EPB41L4A: variants seen among roughly 807,000 people sequenced by gnomAD.
The protein encoded by EPB41L4A is erythrocyte membrane protein band 4.1 like 4A.
EPB41L4A carries 100 observed loss-of-function variants against 108.6 expected under a neutral mutation model. The observed-to-expected ratio is 0.92, with a 90% CI of 0.78 to 1.09. The LOEUF (loss-of-function observed/expected upper bound fraction) is 1.09, where lower values mean the gene tolerates loss of function less well. Among genes scored for constraint, EPB41L4A ranks in the 50% least tolerant of loss-of-function variants. The pLI is 0.00. For missense variants in EPB41L4A, 1,030 were observed against 842.7 expected (o/e 1.22, Z -2.75); for synonymous variants, 319 against 289.0 (o/e 1.10, Z -1.05).
chr5:112,207,172 G>A (rs192760839), intron 13 of EPB41L4A: 1 of 152,138 alleles, frequency 6.6e-6, no homozygotes, highest in African/African-American at 2.4e-5. Context: ...AAAGCAACTA[G>A]AACAAGCAAT....
chr5:112,414,750 A>T (rs1315128993), intron 1 of EPB41L4A, among the ~76,000 whole-genome samples: 1 of 152,204 alleles, frequency 6.6e-6, no homozygotes, highest in African/African-American at 2.4e-5. Flanking sequence ...ATTTTTAATA[A>T]TTTTTTTCAA....
rs570154607 is a variant in EPB41L4A, at chr5:112,164,784, A to G, written c.*206T>C. 6.7e-5 allele frequency: 27 copies of G among 402,926 alleles called. No homozygotes were observed. The South Asian group carries it at 1.1e-3, about 16-fold the overall frequency. 25.0% of individuals were successfully genotyped at this position (402,926 alleles called of 1,614,324 possible). A position where few individuals can be genotyped will look rare whatever the true frequency, so the allele number is the denominator to read the frequency against. ...AGTAAGTGGAGGCTGCGGTGAGCTGACACGGTGCCGCTGCACTCCAGCCTG... is the reference window on the plus strand; with the variant it reads ...AGTAAGTGGAGGCTGCGGTGAGCTGGCACGGTGCCGCTGCACTCCAGCCTG... On this transcript the variant is annotated 3_prime_UTR_variant, in exon 23 of 23. Transcript: ENST00000261486.
At chr5:112,298,784 T>C (rs1754175698) in intron 2 of EPB41L4A, among the ~76,000 whole-genome samples, 1 of 152,206 alleles carries the variant, frequency 6.6e-6, no homozygotes, top group Non-Finnish European at 1.5e-5. Flanking sequence ...CCTGGACTTT[T>C]TCTTGTTGGT....
intron 1 of EPB41L4A, among the ~76,000 whole-genome samples, chr5:112,395,845 C>A (rs1384968152): frequency 6.6e-6 from 1 of 152,100 alleles, no homozygotes; most frequent in African/African-American, 2.4e-5. Flanking sequence ...GGAACCAACC[C>A]AAATGTCCAT....
intron 1 of EPB41L4A, among the ~76,000 whole-genome samples, chr5:112,340,174 G>T (rs1022291566): frequency 6.6e-6 from 1 of 152,200 alleles, no homozygotes; most frequent in African/African-American, 2.4e-5. Context: ...GGGAGTGACG[G>T]AAGGAAAGGA....
At chr5:112,361,019 G>A (rs1758707355) in intron 1 of EPB41L4A, among the ~76,000 whole-genome samples, 2 of 152,218 alleles carry the variant, frequency 1.3e-5, no homozygotes, top group Non-Finnish European at 2.9e-5. Context: ...TCTGAGAGGT[G>A]TACCCAACAG....
At chr5:112,389,123 A>G (rs535057850) in intron 1 of EPB41L4A, among the ~76,000 whole-genome samples, 4 of 152,224 alleles carry the variant, frequency 2.6e-5, no homozygotes, top group Non-Finnish European at 5.9e-5. Context: ...ACAGGAGAAA[A>G]AACAAACACA....
At chr5:112,386,650 TGAATC>T (rs1339557846) in intron 1 of EPB41L4A, among the ~76,000 whole-genome samples, 3 of 152,200 alleles carry the variant, frequency 2.0e-5, no homozygotes, top group Non-Finnish European at 4.4e-5. Flanking sequence ...AAGTTTTAAA[TGAATC>T]GATTGTATCA....
At chr5:112,261,004 GC>G (rs1194663136) in intron 7 of EPB41L4A, among the ~76,000 whole-genome samples, 1 of 152,156 alleles carries the variant, frequency 6.6e-6, no homozygotes, top group African/African-American at 2.4e-5. Flanking sequence ...AAATGTAGAA[GC>G]ATTTTGCAGA....
chr5:112,185,637 C>T (rs545809000), intron 17 of EPB41L4A, among the ~76,000 whole-genome samples: 1 of 152,118 alleles, frequency 6.6e-6, no homozygotes. Flanking sequence ...AGGATACTGT[C>T]AAGGTATTTT....
intron 1 of EPB41L4A, among the ~76,000 whole-genome samples, chr5:112,366,760 G>A (rs200187588): frequency 6.6e-6 from 1 of 152,118 alleles, no homozygotes. Context: ...CAACCAGGGG[G>A]ACAAATGAAA....
Position 112,303,715 on chromosome 5 carries a change from G to A in EPB41L4A, c.204+3671C>T, listed in dbSNP as rs1754518823. On this transcript the variant is annotated intron_variant, in intron 2 of 22. Transcript: ENST00000261486. ...TCTCTTGGATTTAGCAACTGGCAAG[G>A]CAGGGCCAGTTTCAGTGATGTGATC... 2.0e-5 allele frequency among the ~76,000 whole-genome samples: 3 copies of A among 152,156 alleles called. No homozygotes were observed. The South Asian group carries it at 6.2e-4, about 32-fold the overall frequency.
At chr5:112,348,764 A>C (rs1427319650) in intron 1 of EPB41L4A, among the ~76,000 whole-genome samples, 1 of 152,220 alleles carries the variant, frequency 6.6e-6, no homozygotes, top group Non-Finnish European at 1.5e-5. Context: ...GTGCAAATCA[A>C]AACTGTGTTT....
At chr5:112,299,366 G>A (rs1754209377) in intron 2 of EPB41L4A, among the ~76,000 whole-genome samples, 1 of 152,062 alleles carries the variant, frequency 6.6e-6, no homozygotes, top group African/African-American at 2.4e-5. Context: ...TCAGTTTGAA[G>A]AATTTTTTCC....
downstream of EPB41L4A, among the ~76,000 whole-genome samples, chr5:112,159,731 T>A (rs1759780944): frequency 6.6e-6 from 1 of 152,198 alleles, no homozygotes; most frequent in South Asian, 2.1e-4. Flanking sequence ...ACACTTGAAA[T>A]GTGTCTAGTC....
At position 112,168,968 on chromosome 5, in the gene EPB41L4A, ATGGTGTACTCTGGCCT is replaced by A. The variant is rs759328952; in HGVS notation, c.1850+11_1850+26del. The stretch of plus-strand genomic sequence containing the variant: ...GCACTGTTTTGGAGCCATGATGGTG[ATGGTGTACTCTGGCCT>A]GCCCACTTACTTCACTTCCGAGAGA... On this transcript the variant is annotated intron_variant, in intron 21 of 22. Transcript: ENST00000261486. 6.4e-7 allele frequency: 1 copy of A among 1,556,642 alleles called. No individual in the cohort carries two copies. The highest frequency in any genetic ancestry group is 1.1e-5 in the South Asian group (1 of 89,938).
At chr5:112,417,695 G>T (rs896831315) in intron 1 of EPB41L4A, among the ~76,000 whole-genome samples, 1 of 152,060 alleles carries the variant, frequency 6.6e-6, no homozygotes, top group Non-Finnish European at 1.5e-5. Context: ...AATGAGAATC[G>T]AACTGAATTT....
intron 11 of EPB41L4A, among the ~76,000 whole-genome samples, chr5:112,235,376 G>C (rs1749255535): frequency 6.6e-6 from 1 of 152,134 alleles, no homozygotes; most frequent in South Asian, 2.1e-4. Flanking sequence ...TTTTCCCAAG[G>C]AATCATGTGA....
chr5:112,160,461 T>G (rs1759818896), downstream of EPB41L4A: 1 of 152,458 alleles, frequency 6.6e-6, no homozygotes, highest in African/African-American at 2.4e-5. Context: ...TGGAGCATAG[T>G]AAGTGCTGAC....
Sources: allele counts gnomAD v4.1 joint callset (sites outside exome capture counted in the v4.1 genomes callset), GRCh38; gene constraint gnomAD v4.1.1; transcripts MANE v1.5; gene names NCBI Gene and HGNC (gene_info 2026-07-23, HGNC 2026-07-21).